The following ITPR2 variants were observed in gnomAD, a reference collection of about 807,000 sequenced individuals.
The protein encoded by ITPR2 is inositol 1,4,5-trisphosphate-gated calcium channel ITPR2.
In ITPR2, 207 loss-of-function variants were observed where a neutral mutation model predicts 317.1. That is an observed-to-expected ratio of 0.65 (90% CI 0.58 to 0.73). ITPR2 has a LOEUF of 0.73. Among genes scored for constraint, ITPR2 ranks in the 30% least tolerant of loss-of-function variants. The pLI, the probability that ITPR2 is intolerant of heterozygous loss-of-function variation, is 0.00. For missense variants in ITPR2, 2,613 were observed against 3,284.0 expected (o/e 0.80, Z 4.99); for synonymous variants, 1,156 against 1,149.1 (o/e 1.01, Z -0.12).
chr12:26,348,065 C>A (rs901335832), intron 55 of ITPR2, among the ~76,000 whole-genome samples: 3 of 152,198 alleles, frequency 2.0e-5, no homozygotes, highest in African/African-American at 7.2e-5. Flanking sequence ...GTTTATACTG[C>A]ATTTTCCATT....
chr12:26,430,602 T>C (rs7296153), intron 48 of ITPR2, among the ~76,000 whole-genome samples: 142,682 of 152,064 alleles, frequency 0.94, 66,988 homozygotes, highest in East Asian at 1. Flanking sequence ...TACCCATTAA[T>C]GGTGGGAAGG....
chr12:26,506,211 TAA>T (rs11355140), intron 37 of ITPR2, among the ~76,000 whole-genome samples: 45 of 148,230 alleles, frequency 3.0e-4, no homozygotes, highest in Middle Eastern at 3.5e-3. Context: ...TCTACCAAAT[TAA>T]AAAAAAAAAA....
intron 55 of ITPR2, among the ~76,000 whole-genome samples, chr12:26,368,745 T>C (rs754173148): frequency 2.0e-5 from 3 of 152,260 alleles, no homozygotes; most frequent in Non-Finnish European, 2.9e-5. Context: ...AGCAAATATT[T>C]ACTAAGCGCC....
chr12:26,437,168 G>C (rs942703951), intron 47 of ITPR2, among the ~76,000 whole-genome samples: 6 of 152,152 alleles, frequency 3.9e-5, no homozygotes, highest in Admixed American at 1.3e-4. Context: ...AAATCTACTA[G>C]CCTGCCCTGG....
chr12:26,655,831 A>G lies in ITPR2; in HGVS notation c.2466T>C (p.Ser822=). Residue 822 remains serine (S), a synonymous_variant, in exon 20 of 57, where the codon TCT becomes TCC. Transcript: ENST00000381340. Reference sequence around the variant, plus strand: ...ATTTCCTCTTCATATCATTTCTGGAAGAGTCTGTTATAGAATCATATCTGG... The same window carrying G: ...ATTTCCTCTTCATATCATTTCTGGAGGAGTCTGTTATAGAATCATATCTGG... ...TIHEYDSITD[S]SRNDMKRKFA... is the part of the protein sequence containing the mutation. 1.2e-6 allele frequency: 2 copies of G among 1,611,520 alleles called. No homozygotes were observed. The highest frequency in any genetic ancestry group is 2.2e-5 in the South Asian group (2 of 91,038).
intron 1 of ITPR2, among the ~76,000 whole-genome samples, chr12:26,795,753 G>A (rs1482909173): frequency 6.6e-6 from 1 of 152,178 alleles, no homozygotes; most frequent in Non-Finnish European, 1.5e-5. Flanking sequence ...GGAGGCTGAG[G>A]TGGGCAGATC....
At chr12:26,809,431 ACCTG>A (rs1414264912) in intron 1 of ITPR2, among the ~76,000 whole-genome samples, 1 of 152,148 alleles carries the variant, frequency 6.6e-6, no homozygotes, top group Non-Finnish European at 1.5e-5. Context: ...AATTTTTTTA[ACCTG>A]CCCAAATAAT....
chr12:26,623,861 G>A (rs1400440183), intron 24 of ITPR2, among the ~76,000 whole-genome samples: 17 of 152,132 alleles, frequency 1.1e-4, no homozygotes, highest in Non-Finnish European at 4.4e-5. Context: ...ATTTAATCAT[G>A]GGTATTTCCA....
Position 26,553,643 on chromosome 12 carries a change from G to C in ITPR2, c.4964+2590C>G, listed in dbSNP as rs1487709718. ...CTTAAAAAACAGAAAAAATTAGCTG[G>C]GCTTGGTGGCGGTTGCCTCTAGTCC... On this transcript the variant is annotated intron_variant, in intron 36 of 56. Coordinates refer to ENST00000381340, the MANE Select transcript of ITPR2 (RefSeq NM_002223.4). 2.0e-5 allele frequency among the ~76,000 whole-genome samples: 3 copies of C among 152,022 alleles called. No homozygotes were observed. In the East Asian group the frequency reaches 5.8e-4, roughly 29 times the overall value.
At chr12:26,439,067 A>G in intron 47 of ITPR2, 60 bp downstream of exon 47, 1 of 1,074,964 alleles carries the variant, frequency 9.3e-7, no homozygotes, top group Non-Finnish European at 1.4e-6. Flanking sequence ...CATGTGTCCC[A>G]AAGTACCAAA....
intron 48 of ITPR2, among the ~76,000 whole-genome samples, chr12:26,433,460 T>C (rs1425254276): frequency 6.6e-6 from 1 of 152,176 alleles, no homozygotes; most frequent in Non-Finnish European, 1.5e-5. Flanking sequence ...ACCAAGATAG[T>C]ATGTGATTTT....
intron 13 of ITPR2, among the ~76,000 whole-genome samples, chr12:26,681,231 G>A (rs769646066): frequency 4.6e-5 from 7 of 152,174 alleles, no homozygotes; most frequent in Non-Finnish European, 4.4e-5. Context: ...ATGTAAAACA[G>A]GAATACCTAT....
intron 2 of ITPR2, among the ~76,000 whole-genome samples, chr12:26,756,483 A>G (rs867780372): frequency 2.0e-5 from 3 of 152,156 alleles, no homozygotes; most frequent in South Asian, 4.1e-4. Context: ...ATGTTGCTTT[A>G]CTGTTGTGTA....
chr12:26,396,760 A>G (rs972306461), intron 54 of ITPR2, among the ~76,000 whole-genome samples: 17 of 152,228 alleles, frequency 1.1e-4, no homozygotes, highest in Admixed American at 1.1e-3. Flanking sequence ...GGGTCAGTAC[A>G]CACTCAATTT....
intron 39 of ITPR2, among the ~76,000 whole-genome samples, 194 bp from the exon 40 acceptor site, chr12:26,487,445 G>A (rs1942698897): frequency 6.6e-6 from 1 of 152,070 alleles, no homozygotes; most frequent in Admixed American, 6.5e-5. Flanking sequence ...TATTTACTTA[G>A]CATTTTCCAC....
intron 8 of ITPR2, among the ~76,000 whole-genome samples, chr12:26,711,689 C>A (rs1315844712): frequency 6.6e-6 from 1 of 152,108 alleles, no homozygotes; most frequent in East Asian, 1.9e-4. Context: ...AAAGAGAGAG[C>A]CAGCGAACAA....
intron 36 of ITPR2, among the ~76,000 whole-genome samples, chr12:26,550,752 A>T (rs1005632159): frequency 5.3e-5 from 8 of 152,130 alleles, no homozygotes; most frequent in Non-Finnish European, 8.8e-5. Flanking sequence ...TATTACATTA[A>T]GCATACAGTA....
intron 45 of ITPR2, among the ~76,000 whole-genome samples, chr12:26,445,765 G>A (rs1205803019): frequency 6.6e-6 from 1 of 152,174 alleles, no homozygotes; most frequent in Admixed American, 6.5e-5. Context: ...GTATAAACAA[G>A]GAGTGTGAGT....
intron 1 of ITPR2, among the ~76,000 whole-genome samples, chr12:26,795,942 C>G (rs541088011): frequency 6.6e-6 from 1 of 150,828 alleles, no homozygotes; most frequent in South Asian, 2.1e-4. Flanking sequence ...CCAGATCACG[C>G]CACTGCACCC....
Sources: gnomAD v4.1 joint callset for allele counts (sites outside exome capture counted in the v4.1 genomes callset) on GRCh38, gnomAD v4.1.1 for gene constraint, MANE v1.5 for transcripts, NCBI Gene and HGNC (gene_info 2026-07-23, HGNC 2026-07-21) for gene names.